The following SLC22A23 variants were observed in gnomAD, a reference collection of about 807,000 sequenced individuals.
The protein encoded by SLC22A23 is ion transporter protein.
A neutral mutation model predicts 61.0 loss-of-function variants in SLC22A23; 26 were observed. The observed-to-expected ratio is 0.43, with a 90% CI of 0.31 to 0.59. SLC22A23 has a LOEUF of 0.59. Among genes scored for constraint, SLC22A23 ranks in the 20% least tolerant of loss-of-function variants. SLC22A23 has a pLI of 0.11. For missense variants in SLC22A23, 796 were observed against 934.7 expected (o/e 0.85, Z 1.94); for synonymous variants, 430 against 413.9 (o/e 1.04, Z -0.47).
chr6:3,412,759 G>A (rs1208214860), intron 2 of SLC22A23, among the ~76,000 whole-genome samples: 1 of 152,178 alleles, frequency 6.6e-6, no homozygotes, highest in African/African-American at 2.4e-5. Context: ...CTAATGACAA[G>A]GAAAACCTCC....
intron 4 of SLC22A23, among the ~76,000 whole-genome samples, chr6:3,310,199 C>T (rs115555044): frequency 0.012 from 1,826 of 152,296 alleles, 51 homozygotes; most frequent in African/African-American, 0.042. Flanking sequence ...AGTGTCAGCA[C>T]GCAGTTCAAG....
intron 9 of SLC22A23, among the ~76,000 whole-genome samples, chr6:3,278,459 C>T (rs1323885620): frequency 1.3e-5 from 2 of 152,234 alleles, no homozygotes; most frequent in Non-Finnish European, 2.9e-5. Context: ...CGTTCAAAGA[C>T]ACTCTGCATC....
At chr6:3,323,488 C>T (rs1763087368) in intron 4 of SLC22A23, 3 of 417,888 alleles carry the variant, frequency 7.2e-6, no homozygotes, top group Non-Finnish European at 9.1e-6. Context: ...CCTCCTAACA[C>T]AAGACCTCCA....
At chr6:3,389,268 C>CAAAAA (rs61020784) in intron 3 of SLC22A23, among the ~76,000 whole-genome samples, 2 of 32,600 alleles carry the variant, frequency 6.1e-5, no homozygotes, top group Non-Finnish European at 9.5e-5. Context: ...AACTCTGTCT[C>CAAAAA]AAAAAAAAAA....
chr6:3,298,129 C>T lies in SLC22A23; in HGVS notation c.1172G>A (p.Arg391His), dbSNP rs772271696. ...CTTGATGTCGCCCTCAGGGTTCATG[C>T]GATTCTTCTGTGTGAAGTGGAGGAT... is the stretch of plus-strand genomic sequence containing the variant. The part of the protein sequence containing the change: ...RLILHFTQKN[R>H]MNPEGDIKGV... The change falls in exon 5 of 10, where the codon CGC becomes CAC. Residue 391 changes from arginine (R) to histidine (H), a missense_variant. Coordinates refer to ENST00000406686, the MANE Select transcript of SLC22A23 (RefSeq NM_015482.2). 1.5e-5 allele frequency: 24 copies of T among 1,585,242 alleles called. No individual in the cohort carries two copies. The highest frequency in any genetic ancestry group is 9.3e-5 in the South Asian group (8 of 86,066).
At chr6:3,302,945 T>C (rs1015253212) in intron 4 of SLC22A23, 1 of 152,186 alleles carries the variant, frequency 6.6e-6, no homozygotes, top group Non-Finnish European at 1.5e-5. Flanking sequence ...GAGAAAGTCT[T>C]TGCAAACTAT....
chr6:3,285,105 C>G lies in SLC22A23; in HGVS notation c.1553G>C (p.Gly518Ala), dbSNP rs751424930. 6 of 1,613,338 alleles carry G rather than the reference C, an allele frequency of 3.7e-6. No individual in the cohort carries two copies. Among genetic ancestry groups the G allele is most frequent in the East Asian group, 2.2e-5 (1 of 44,856 alleles). The change falls in exon 8 of 10, where the codon GGA (glycine) becomes GCA (alanine). Residue 518 changes from glycine to alanine, a missense_variant. Transcript: ENST00000406686. ...TGAGTCTGGGTGCTGGCTGTACTTT[C>G]CAATCACTGGACCCGCAGACATGAT... ...LLQLGLLNLIGKYSQHPDSGM... is the reference protein window; with the variant it reads ...LLQLGLLNLIAKYSQHPDSGM...
chr6:3,424,057 C>T (rs1426364907), intron 1 of SLC22A23, among the ~76,000 whole-genome samples: 1 of 152,132 alleles, frequency 6.6e-6, no homozygotes, highest in Non-Finnish European at 1.5e-5. Context: ...CTGTTACATT[C>T]CCTTTATGGC....
intron 3 of SLC22A23, among the ~76,000 whole-genome samples, chr6:3,365,623 A>G (rs556471835): frequency 6.6e-6 from 1 of 152,328 alleles, no homozygotes; most frequent in Non-Finnish European, 1.5e-5. Context: ...CACTAAAGAA[A>G]GCAAATTAGA....
At chr6:3,365,106 G>C (rs9503561) in intron 3 of SLC22A23, among the ~76,000 whole-genome samples, 1 of 152,018 alleles carries the variant, frequency 6.6e-6, no homozygotes, top group East Asian at 1.9e-4. Context: ...ATTACCTGAG[G>C]TCAGGAGTTG....
At chr6:3,373,392 T>C (rs556804906) in intron 3 of SLC22A23, among the ~76,000 whole-genome samples, 1 of 152,370 alleles carries the variant, frequency 6.6e-6, no homozygotes, top group African/African-American at 2.4e-5. Context: ...CCTTTTGCTG[T>C]AATAAATCAT....
chr6:3,456,565 G>A lies in SLC22A23; in HGVS notation c.-6C>T, dbSNP rs1330240560. 4 of 983,430 alleles carry A rather than the reference G, an allele frequency of 4.1e-6. No individual in the cohort carries two copies. Among genetic ancestry groups the A allele is most frequent in the African/African-American group, 1.8e-5 (1 of 56,722 alleles). 60.9% of individuals were successfully genotyped at this position (983,430 alleles called of 1,614,324 possible). On this transcript the variant is annotated 5_prime_UTR_variant, in exon 1 of 10. Transcript: ENST00000406686. The surrounding 1 kb of genome is among the most constrained non-coding windows in gnomAD (Gnocchi z 7.1). ...CGCCGCCGGTCTATGGCCATGGCCC[G>A]GGCCCGCGGCTCCCGCAGAGGCGCA...
At chr6:3,278,329 C>T (rs943110262) in intron 9 of SLC22A23, among the ~76,000 whole-genome samples, 1 of 151,786 alleles carries the variant, frequency 6.6e-6, no homozygotes, top group South Asian at 2.1e-4. Flanking sequence ...GAAAGAGTTG[C>T]AGGAATAGCC....
chr6:3,290,046 T>A, intron 5 of SLC22A23, 180 bp from the exon 6 acceptor site: 1 of 617,528 alleles, frequency 1.6e-6, no homozygotes, highest in Non-Finnish European at 2.8e-6. Context: ...AAGGCACTCA[T>A]AAGACCCCAG....
At chr6:3,326,154 G>C (rs1241158935) in intron 3 of SLC22A23, among the ~76,000 whole-genome samples, 1 of 152,238 alleles carries the variant, frequency 6.6e-6, no homozygotes, top group Non-Finnish European at 1.5e-5. Context: ...TGCTGGACCA[G>C]TCTGGCTTCA....
In SLC22A23 at chr6:3,329,978, G is replaced by A. The variant is rs1230335287; in HGVS notation, c.914-5976C>T. On this transcript the variant is annotated intron_variant, in intron 3 of 9. Transcript: ENST00000406686. This position sits in a 1 kb window ranked among gnomAD's most constrained non-coding sequence, Gnocchi z 4.8. ...GCCTGCGGAACGAGAAATCCTTCCA[G>A]AGGCCACTGCTGAACGGCCCGGCCA... Among the ~76,000 whole-genome samples, 2 of 152,214 alleles carry A rather than the reference G, an allele frequency of 1.3e-5. No homozygotes were observed. The highest frequency in any genetic ancestry group is 3.8e-4 in the East Asian group (2 of 5,196).
chr6:3,319,938 C>T (rs1257397624), intron 4 of SLC22A23, among the ~76,000 whole-genome samples: 1 of 152,194 alleles, frequency 6.6e-6, no homozygotes, highest in Non-Finnish European at 1.5e-5. Flanking sequence ...TTCTTCTGCC[C>T]ACGGTCCAAG....
At chr6:3,375,246 A>G (rs934932474) in intron 3 of SLC22A23, among the ~76,000 whole-genome samples, 1 of 152,236 alleles carries the variant, frequency 6.6e-6, no homozygotes, top group Non-Finnish European at 1.5e-5. Context: ...ATCCACCTCT[A>G]TTCATCATTT....
At chr6:3,446,552 G>T (rs1261074085) in intron 1 of SLC22A23, among the ~76,000 whole-genome samples, 2 of 152,178 alleles carry the variant, frequency 1.3e-5, no homozygotes, top group Non-Finnish European at 2.9e-5. Context: ...CACGCCAAAG[G>T]CCCCGAGTTT....
Sources: gnomAD v4.1 joint callset for allele counts (sites outside exome capture counted in the v4.1 genomes callset) on GRCh38, gnomAD v4.1.1 for gene constraint, Gnocchi (gnomAD v3.1) non-coding constraint, MANE v1.5 for transcripts, NCBI Gene and HGNC (gene_info 2026-07-23, HGNC 2026-07-21) for gene names.